The following CPQ variants were observed in gnomAD, a reference collection of about 807,000 sequenced individuals.
CPQ encodes carboxypeptidase Q.
CPQ carries 37 observed loss-of-function variants against 45.7 expected under a neutral mutation model. The observed-to-expected ratio is 0.81, with a 90% CI of 0.62 to 1.07. The LOEUF is 1.07. Among genes scored for constraint, CPQ ranks in the 50% least tolerant of loss-of-function variants. The pLI, the probability that CPQ is intolerant of heterozygous loss-of-function variation, is 0.00. For missense variants in CPQ, 537 were observed against 572.9 expected (o/e 0.94, Z 0.64); for synonymous variants, 186 against 205.8 (o/e 0.90, Z 0.82).
intron 1 of CPQ, among the ~76,000 whole-genome samples, chr8:96,696,855 G>A (rs572650086): frequency 3.6e-4 from 55 of 152,180 alleles, no homozygotes; most frequent in African/African-American, 1.2e-3. Context: ...AACAAGTAAC[G>A]AGATGGAAGC....
At position 96,656,017 on chromosome 8, in the gene CPQ, G is replaced by A. The variant is rs1490862101; in HGVS notation, c.-35+10615G>A. On this transcript the variant is annotated intron_variant, in intron 1 of 7. Coordinates refer to ENST00000220763, the MANE Select transcript of CPQ (RefSeq NM_016134.4). Reference sequence around the variant, plus strand: ...CCACAGGTGTTTGCCACCATGCCTGGCTACTTTTTGTATTTTTTGTAGAGA... The same window carrying A: ...CCACAGGTGTTTGCCACCATGCCTGACTACTTTTTGTATTTTTTGTAGAGA... Among the ~76,000 whole-genome samples the A allele has an allele frequency of 2.6e-5, 4 of 152,084 alleles. No homozygotes were observed. In the East Asian group the frequency reaches 7.7e-4, roughly 29 times the overall value.
intron 1 of CPQ, among the ~76,000 whole-genome samples, chr8:96,649,235 C>T (rs1426766953): frequency 6.6e-6 from 1 of 152,190 alleles, no homozygotes; most frequent in African/African-American, 2.4e-5. Context: ...CCTTGGCCTC[C>T]CAAAGTGTTG....
chr8:96,953,511 T>C (rs1006042426), intron 4 of CPQ, among the ~76,000 whole-genome samples: 2 of 152,144 alleles, frequency 1.3e-5, no homozygotes, highest in African/African-American at 2.4e-5. Context: ...CAGTGTAATA[T>C]ATTCTGCTGC....
intron 3 of CPQ, 123 bp downstream of exon 3, chr8:96,835,303 C>G (rs1005558431): frequency 1.7e-5 from 12 of 688,628 alleles, no homozygotes; most frequent in African/African-American, 1.3e-4. Flanking sequence ...AGTTTCCCCC[C>G]CAAACACACA....
intron 1 of CPQ, among the ~76,000 whole-genome samples, chr8:96,757,309 C>A (rs1014221243): frequency 1.3e-5 from 2 of 150,702 alleles, no homozygotes; most frequent in Admixed American, 6.6e-5. Context: ...CGAGATCACG[C>A]CACTGTACTC....
chr8:96,694,170 C>G (rs569455592), intron 1 of CPQ, among the ~76,000 whole-genome samples: 1 of 151,382 alleles, frequency 6.6e-6, no homozygotes, highest in Non-Finnish European at 1.5e-5. Flanking sequence ...ATGACCTTCA[C>G]AAAAAGGAAG....
intron 2 of CPQ, among the ~76,000 whole-genome samples, chr8:96,811,630 T>C (rs1425976401): frequency 2.0e-5 from 3 of 152,178 alleles, no homozygotes; most frequent in Non-Finnish European, 4.4e-5. Context: ...AAAAACTCTA[T>C]GTTATAATCA....
At chr8:97,042,176 C>A (rs1810139506) in intron 6 of CPQ, among the ~76,000 whole-genome samples, 1 of 152,176 alleles carries the variant, frequency 6.6e-6, no homozygotes, top group African/African-American at 2.4e-5. Context: ...TGTTATTGGT[C>A]TATTCAGAGA....
intron 1 of CPQ, among the ~76,000 whole-genome samples, chr8:96,720,532 A>G (rs928904678): frequency 3.2e-4 from 49 of 152,322 alleles, no homozygotes; most frequent in African/African-American, 1.1e-3. Flanking sequence ...CTAAGCCCCT[A>G]TAAATTACTA....
At chr8:96,840,787 G>C (rs1468783653) in intron 3 of CPQ, among the ~76,000 whole-genome samples, 1 of 152,204 alleles carries the variant, frequency 6.6e-6, no homozygotes, top group Non-Finnish European at 1.5e-5. Context: ...GGGGGAAGGA[G>C]TAGGGGTCCA....
chr8:96,695,791 A>T (rs1458312207), intron 1 of CPQ, among the ~76,000 whole-genome samples: 1 of 151,184 alleles, frequency 6.6e-6, no homozygotes, highest in East Asian at 1.9e-4. Flanking sequence ...TCAGGGAACA[A>T]CAGGTGCTGG....
chr8:97,018,097 T>G lies in CPQ; in HGVS notation c.962-11306T>G, dbSNP rs1453900613. 3.9e-5 allele frequency among the ~76,000 whole-genome samples: 6 copies of G among 152,248 alleles called. No homozygotes were observed. In the South Asian group the frequency reaches 8.3e-4, roughly 21 times the overall value. The stretch of plus-strand genomic sequence containing the variant: ...GATGACCCCAGTACCAGCCCAGACC[T>G]GGTAGACTTGCTGGGAGGCTAGATC... On this transcript the variant is annotated intron_variant, in intron 5 of 7. Coordinates refer to ENST00000220763, the MANE Select transcript of CPQ (RefSeq NM_016134.4).
At chr8:96,836,878 G>A (rs1811538055) in intron 3 of CPQ, among the ~76,000 whole-genome samples, 1 of 151,822 alleles carries the variant, frequency 6.6e-6, no homozygotes, top group Non-Finnish European at 1.5e-5. Flanking sequence ...TCCAGCAAGG[G>A]ACTTCAGAAT....
At chr8:96,776,147 G>A (rs1363541599) in intron 1 of CPQ, among the ~76,000 whole-genome samples, 2 of 152,176 alleles carry the variant, frequency 1.3e-5, no homozygotes, top group Non-Finnish European at 2.9e-5. Context: ...TGGAAACCCA[G>A]TATTATATGA....
chr8:97,012,873 T>C (rs182008573), intron 5 of CPQ, among the ~76,000 whole-genome samples: 1 of 152,274 alleles, frequency 6.6e-6, no homozygotes, highest in African/African-American at 2.4e-5. Flanking sequence ...TAAATTTTCT[T>C]TTATCTCAAG....
intron 3 of CPQ, among the ~76,000 whole-genome samples, chr8:96,868,708 C>G (rs950252669): frequency 1.3e-5 from 2 of 151,754 alleles, no homozygotes; most frequent in African/African-American, 2.4e-5. Context: ...TTTATTATCC[C>G]ATATTTCCTC....
intron 7 of CPQ, among the ~76,000 whole-genome samples, chr8:97,068,443 C>G (rs988789451): frequency 2.0e-5 from 3 of 151,974 alleles, no homozygotes; most frequent in African/African-American, 7.3e-5. Context: ...ACCAGCCTGA[C>G]CAACATGGTG....
chr8:96,776,530 T>C (rs1810607109), intron 1 of CPQ, among the ~76,000 whole-genome samples: 1 of 152,220 alleles, frequency 6.6e-6, no homozygotes, highest in Non-Finnish European at 1.5e-5. Context: ...CTATTCGCTC[T>C]GGCATTTTTA....
At chr8:96,783,633 CAT>C (rs1221121348) in intron 1 of CPQ, among the ~76,000 whole-genome samples, 6 of 152,212 alleles carry the variant, frequency 3.9e-5, no homozygotes, top group African/African-American at 1.4e-4. Context: ...CAATAGCAGA[CAT>C]ATAGTTTATA....
Sources: gnomAD v4.1 joint callset for allele counts (sites outside exome capture counted in the v4.1 genomes callset) on GRCh38, gnomAD v4.1.1 for gene constraint, MANE v1.5 for transcripts, NCBI Gene and HGNC (gene_info 2026-07-23, HGNC 2026-07-21) for gene names.